The following RBM33 variants were observed in gnomAD, a reference collection of about 807,000 sequenced individuals.
The protein encoded by RBM33 is RNA binding motif protein 33.
RBM33 carries 28 observed loss-of-function variants against 132.6 expected under a neutral mutation model. The ratio of observed to expected loss-of-function variants is 0.21; its 90% confidence interval spans 0.16 to 0.29. RBM33 has a LOEUF of 0.29. Ranked by LOEUF, RBM33 falls within the 10% of genes least tolerant of loss-of-function variation. The pLI, the probability that RBM33 is intolerant of heterozygous loss-of-function variation, is 1.00. For synonymous variants in RBM33, 634 were observed against 593.0 expected (o/e 1.07, Z -1.01); for missense variants, 1,291 against 1,518.5 (o/e 0.85, Z 2.49).
intron 9 of RBM33, among the ~76,000 whole-genome samples, chr7:155,722,836 A>T (rs1189229864): frequency 2.6e-5 from 4 of 152,226 alleles, no homozygotes; most frequent in African/African-American, 9.6e-5. Context: ...TAAGTTTAAA[A>T]ATTTTAAAAA....
chr7:155,775,200 C>T lies in RBM33; in HGVS notation c.*159C>T. The T allele has an allele frequency of 1.4e-6, 1 of 729,144 alleles. No individual in the cohort carries two copies. 45.2% of individuals were successfully genotyped at this position (729,144 alleles called of 1,614,324 possible). A position where few individuals can be genotyped will look rare whatever the true frequency, so the allele number is the denominator to read the frequency against. The stretch of plus-strand genomic sequence containing the variant: ...CGCCAGCCAGCCACGGGCCTGATTC[C>T]AGAGGAGCCGAACTGACAGGACACA... On this transcript the variant is annotated 3_prime_UTR_variant, in exon 18 of 18. Coordinates refer to ENST00000401878, the MANE Select transcript of RBM33 (RefSeq NM_053043.3).
chr7:155,740,452 G>A (rs1328072805), intron 12 of RBM33, among the ~76,000 whole-genome samples: 1 of 152,172 alleles, frequency 6.6e-6, no homozygotes, highest in Admixed American at 6.5e-5. Flanking sequence ...GGAAAAATAC[G>A]TTGACTGTTC....
chr7:155,676,257 G>C (rs1182360087), intron 3 of RBM33, among the ~76,000 whole-genome samples: 1 of 152,158 alleles, frequency 6.6e-6, no homozygotes, highest in Non-Finnish European at 1.5e-5. Context: ...AAATAATTAA[G>C]GTTTCAAACT....
chr7:155,666,751 A>G (rs940506479), intron 2 of RBM33, among the ~76,000 whole-genome samples: 2 of 151,780 alleles, frequency 1.3e-5, no homozygotes, highest in Admixed American at 1.3e-4. Context: ...GATTTTAGGG[A>G]CTGTTTATAT....
At chr7:155,751,318 G>A (rs1801679869) in intron 14 of RBM33, among the ~76,000 whole-genome samples, 1 of 152,128 alleles carries the variant, frequency 6.6e-6, no homozygotes, top group African/African-American at 2.4e-5. Flanking sequence ...TGGAGACATG[G>A]TGTGTTATGA....
At chr7:155,707,201 G>T in intron 7 of RBM33, 133 bp downstream of exon 7, 1 of 823,130 alleles carries the variant, frequency 1.2e-6, no homozygotes, top group Non-Finnish European at 2.1e-6. Context: ...AATGGCTGAA[G>T]TTTCTGCTTT....
In RBM33 at chr7:155,745,055, G is replaced by A; in HGVS notation, c.2432G>A (p.Arg811Gln). ...GAAATCCTGAAACAGAAGGAGTTACGGCGGCAGCAGCAGGCTGGTGCCAGG... is the reference window on the plus strand; with the variant it reads ...GAAATCCTGAAACAGAAGGAGTTACAGCGGCAGCAGCAGGCTGGTGCCAGG... The part of the protein sequence containing the change: ...REEILKQKEL[R>Q]RQQQAGARKK... Residue 811 changes from arginine to glutamine, a missense_variant, in exon 14 of 18, where the codon CGG becomes CAG. Arg to Gln is a conservative substitution (Grantham distance 43, BLOSUM62 1). Transcript: ENST00000401878. This position sits in a 1 kb window ranked among gnomAD's most constrained non-coding sequence, Gnocchi z 4.1. The A allele has an allele frequency of 1.2e-6, 2 of 1,609,052 alleles. No individual in the cohort carries two copies. Among genetic ancestry groups the A allele is most frequent in the Non-Finnish European group, 1.7e-6 (2 of 1,177,634 alleles).
intron 5 of RBM33, 91 bp from the exon 6 acceptor site, chr7:155,700,682 A>G: frequency 1.0e-6 from 1 of 990,470 alleles, no homozygotes; most frequent in Non-Finnish European, 1.5e-6. Context: ...TCTGAAATAT[A>G]AACAATTAAA....
Position 155,739,756 on chromosome 7 carries a change from G to GCAA in RBM33, c.1780_1781insAAC (p.Gln593dup), listed in dbSNP as rs1563169268. 1.3e-6 allele frequency: 2 copies of GCAA among 1,547,036 alleles called. No individual in the cohort carries two copies. The highest frequency in any genetic ancestry group is 1.7e-6 in the Non-Finnish European group (2 of 1,145,598). On this transcript the variant is annotated inframe_insertion, in exon 12 of 18. Coordinates refer to ENST00000401878, the MANE Select transcript of RBM33 (RefSeq NM_053043.3). ...CATTGCCCCCTCCGCATCAGCCTCA[G>GCAA]CCTCAGCAACCTCAGCAACAGCCCC...
At chr7:155,694,936 A>G (rs1473140914) in intron 5 of RBM33, among the ~76,000 whole-genome samples, 1 of 152,150 alleles carries the variant, frequency 6.6e-6, no homozygotes, top group African/African-American at 2.4e-5. Context: ...AATTGCTGAG[A>G]CGGTCTAGAG....
At chr7:155,661,146 A>ATATATATATAT (rs1421586760) in intron 1 of RBM33, among the ~76,000 whole-genome samples, 1 of 81,182 alleles carries the variant, frequency 1.2e-5, no homozygotes, top group Non-Finnish European at 2.6e-5. Flanking sequence ...ATATATATAT[A>ATATATATATAT]TTTTTTTTTT....
At chr7:155,709,770 G>A (rs1252998143) in intron 7 of RBM33, among the ~76,000 whole-genome samples, 1 of 152,198 alleles carries the variant, frequency 6.6e-6, no homozygotes, top group African/African-American at 2.4e-5. Flanking sequence ...GTGCACAGAT[G>A]TGATGAGTTA....
At chr7:155,672,086 G>A (rs1201753858) in intron 2 of RBM33, among the ~76,000 whole-genome samples, 2 of 151,652 alleles carry the variant, frequency 1.3e-5, no homozygotes, top group Admixed American at 6.6e-5. Context: ...TTATGTTCTC[G>A]TTCGTTTTTA....
intron 7 of RBM33, among the ~76,000 whole-genome samples, chr7:155,709,105 T>A (rs183026241): frequency 1.7e-3 from 255 of 152,218 alleles, no homozygotes; most frequent in Non-Finnish European, 2.3e-3. Context: ...TACTCTCTTA[T>A]CTTCTAGAAT....
chr7:155,738,692 C>A lies in RBM33; in HGVS notation c.1737+289C>A, dbSNP rs905865419. 2.2e-5 allele frequency: 8 copies of A among 361,298 alleles called. No individual in the cohort carries two copies. The East Asian group carries it at 4.4e-4, about 20-fold the overall frequency. The allele number at this position is 361,298 out of a possible 1,614,324, so 22.4% of individuals were successfully genotyped here. A position where few individuals can be genotyped will look rare whatever the true frequency, so the allele number is the denominator to read the frequency against. On this transcript the variant is annotated intron_variant, in intron 11 of 17. Transcript: ENST00000401878. The stretch of plus-strand genomic sequence containing the variant: ...AAAATTAGGACATGTTTTGATAATA[C>A]ATTTGCTCATCTGTATAAAATTTCA...
At chr7:155,694,892 GT>G (rs1373517674) in intron 5 of RBM33, among the ~76,000 whole-genome samples, 1 of 152,146 alleles carries the variant, frequency 6.6e-6, no homozygotes, top group Non-Finnish European at 1.5e-5. Context: ...GTGGATGTAT[GT>G]TTTTGTTTCT....
At chr7:155,740,592 G>A (rs1359503750) in intron 12 of RBM33, among the ~76,000 whole-genome samples, 2 of 152,212 alleles carry the variant, frequency 1.3e-5, no homozygotes, top group East Asian at 3.8e-4. Context: ...GTGTTCTCAA[G>A]CACCATCAGC....
chr7:155,762,526 A>G (rs1802070025), intron 14 of RBM33, among the ~76,000 whole-genome samples: 1 of 152,216 alleles, frequency 6.6e-6, no homozygotes, highest in African/African-American at 2.4e-5. Context: ...AGACATTTTC[A>G]TGCCACGTAT....
At chr7:155,677,628 G>A (rs1442085312) in intron 3 of RBM33, among the ~76,000 whole-genome samples, 2 of 152,198 alleles carry the variant, frequency 1.3e-5, no homozygotes, top group Non-Finnish European at 2.9e-5. Flanking sequence ...TTATTGTGGT[G>A]TCAGTGATTA....
Sources: allele counts gnomAD v4.1 joint callset (sites outside exome capture counted in the v4.1 genomes callset), GRCh38; gene constraint gnomAD v4.1.1; non-coding constraint Gnocchi (gnomAD v3.1); transcripts MANE v1.5; gene names NCBI Gene and HGNC (gene_info 2026-07-23, HGNC 2026-07-21).